Variants in HRH2 observed in about 807,000 individuals in gnomAD.
HRH2 encodes the protein histamine H2 receptor.
HRH2 carries 4 observed loss-of-function variants against 20.1 expected under a neutral mutation model. That is an observed-to-expected ratio of 0.20 (90% CI 0.10 to 0.45). The LOEUF (loss-of-function observed/expected upper bound fraction) is 0.45, where lower values mean the gene tolerates loss of function less well. HRH2 is among the 20% of genes least tolerant of loss of function. The probability of loss-of-function intolerance (pLI) is 0.99; values close to 1 mark genes in which losing one functional copy is unlikely to be tolerated. For synonymous variants in HRH2, 197 were observed against 200.7 expected, an observed-to-expected ratio of 0.98 and a Z score of 0.16; for missense variants, 250 against 461.6, an observed-to-expected ratio of 0.54 and a Z score of 4.20.
chr5:175,674,818 G>GAA (rs1161002007), intron 1 of HRH2, among the ~76,000 whole-genome samples: 33 of 152,364 alleles, frequency 2.2e-4, no homozygotes, highest in African/African-American at 7.2e-4. Context: ...GCCACAGCCA[G>GAA]AAGTCTTTTC....
intron 2 of HRH2, among the ~76,000 whole-genome samples, chr5:175,695,087 CA>C (rs1756527559): frequency 6.6e-6 from 1 of 152,138 alleles, no homozygotes; most frequent in East Asian, 1.9e-4. Context: ...AGGAGCCATG[CA>C]GTCTTCTGGA....
chr5:175,689,567 C>T (rs1232876770), intron 2 of HRH2, among the ~76,000 whole-genome samples: 1 of 152,216 alleles, frequency 6.6e-6, no homozygotes, highest in Non-Finnish European at 1.5e-5. Flanking sequence ...TAGGAAACCA[C>T]ATCTGTAAGA....
chr5:175,679,638 G>A (rs1004664754), intron 1 of HRH2, among the ~76,000 whole-genome samples: 1 of 152,220 alleles, frequency 6.6e-6, no homozygotes, highest in African/African-American at 2.4e-5. Context: ...AGGCATCTAG[G>A]AGGACTCAAG....
chr5:175,686,391 A>G lies in HRH2; in HGVS notation c.1076+2082A>G, dbSNP rs1000142021. The G allele has an allele frequency of 3.9e-5, 6 of 152,244 alleles. No individual in the cohort carries two copies. Among genetic ancestry groups the G allele is most frequent in the Non-Finnish European group, 7.3e-5 (5 of 68,048 alleles). The allele number at this position is 152,244 out of a possible 1,614,324, so 9.4% of individuals were successfully genotyped here. ...CACTTAACAACAATAGCTAACATTC[A>G]TTGAGCATCCACTACTGGCCCGTTT... On this transcript the variant is annotated intron_variant, in intron 2 of 2. Coordinates refer to ENST00000636584, the MANE Select transcript of HRH2 (RefSeq NM_001367711.1). This position sits in a 1 kb window ranked among gnomAD's most constrained non-coding sequence, Gnocchi z 4.7.
intron 1 of HRH2, among the ~76,000 whole-genome samples, 189 bp downstream of exon 1, chr5:175,658,344 T>C (rs1475803462): frequency 6.6e-6 from 1 of 152,086 alleles, no homozygotes; most frequent in Non-Finnish European, 1.5e-5. Flanking sequence ...CTTGGGCAGG[T>C]GCCTCCGCCT....
chr5:175,665,705 T>C (rs1264101371), intron 1 of HRH2, among the ~76,000 whole-genome samples: 1 of 152,036 alleles, frequency 6.6e-6, no homozygotes, highest in African/African-American at 2.4e-5. Flanking sequence ...GAAGGCAGAT[T>C]CCCCCAAACA....
chr5:175,700,250 G>A (rs933147204), intron 2 of HRH2, among the ~76,000 whole-genome samples: 6 of 152,190 alleles, frequency 3.9e-5, no homozygotes, highest in East Asian at 1.9e-4. Context: ...AAGGTAGATG[G>A]TGAAATAAAG....
intron 1 of HRH2, among the ~76,000 whole-genome samples, chr5:175,663,569 C>G (rs895133619): frequency 6.6e-6 from 1 of 152,206 alleles, no homozygotes; most frequent in African/African-American, 2.4e-5. Context: ...CTCCATCAGG[C>G]CCTGCCCGTG....
intron 1 of HRH2, among the ~76,000 whole-genome samples, chr5:175,682,027 G>T (rs950771465): frequency 2.6e-5 from 4 of 152,218 alleles, no homozygotes; most frequent in Non-Finnish European, 5.9e-5. Flanking sequence ...AGATTTTTAT[G>T]ACACGTGAAA....
chr5:175,679,209 T>C (rs781110885), intron 1 of HRH2, among the ~76,000 whole-genome samples: 17 of 152,128 alleles, frequency 1.1e-4, no homozygotes, highest in Non-Finnish European at 1.5e-4. Flanking sequence ...GGGAGACACA[T>C]TCTCATGGTG....
intron 2 of HRH2, among the ~76,000 whole-genome samples, chr5:175,705,464 C>A (rs1408535047): frequency 6.6e-6 from 1 of 152,162 alleles, no homozygotes; most frequent in Non-Finnish European, 1.5e-5. Context: ...AAATTGAAGT[C>A]TATTCATACA....
At chr5:175,658,829 A>G (rs1247356016) in intron 1 of HRH2, among the ~76,000 whole-genome samples, 1 of 152,060 alleles carries the variant, frequency 6.6e-6, no homozygotes, top group Non-Finnish European at 1.5e-5. Flanking sequence ...CTCTGATAGG[A>G]ATCCCAATCT....
intron 2 of HRH2, among the ~76,000 whole-genome samples, chr5:175,706,656 C>T (rs1184216607): frequency 2.6e-5 from 4 of 152,188 alleles, no homozygotes; most frequent in African/African-American, 9.7e-5. Flanking sequence ...CTCTGAAATG[C>T]CAGAGGGATG....
At chr5:175,704,270 A>C (rs1756873717) in intron 2 of HRH2, among the ~76,000 whole-genome samples, 1 of 152,176 alleles carries the variant, frequency 6.6e-6, no homozygotes, top group Non-Finnish European at 1.5e-5. Flanking sequence ...ATTTTAAAAG[A>C]AAAATATAAT....
chr5:175,672,050 CT>C (rs1302829988), intron 1 of HRH2, among the ~76,000 whole-genome samples: 3 of 152,130 alleles, frequency 2.0e-5, no homozygotes, highest in Non-Finnish European at 4.4e-5. Flanking sequence ...CTCATGATTC[CT>C]TCCCTTCACC....
At chr5:175,660,742 C>T (rs1276695369) in intron 1 of HRH2, among the ~76,000 whole-genome samples, 1 of 152,152 alleles carries the variant, frequency 6.6e-6, no homozygotes, top group Non-Finnish European at 1.5e-5. Flanking sequence ...TGTGCCCTGT[C>T]TCAGGCCTAC....
intron 2 of HRH2, among the ~76,000 whole-genome samples, chr5:175,698,437 G>T (rs371880637): frequency 6.6e-6 from 1 of 152,136 alleles, no homozygotes; most frequent in Non-Finnish European, 1.5e-5. Flanking sequence ...GGAGCCTCAC[G>T]TTCATGGTCT....
chr5:175,691,856 T>C (rs1581449121), intron 2 of HRH2, among the ~76,000 whole-genome samples: 2 of 141,044 alleles, frequency 1.4e-5, no homozygotes, highest in Admixed American at 7.2e-5. Flanking sequence ...AGAGCAAGAC[T>C]CCATCTCAAA....
intron 1 of HRH2, among the ~76,000 whole-genome samples, chr5:175,669,496 T>C (rs553873832): frequency 3.4e-4 from 52 of 152,178 alleles, no homozygotes; most frequent in African/African-American, 1.2e-3. Flanking sequence ...CCTGAGTAGC[T>C]GGCATTACAG....
Sources: allele counts gnomAD v4.1 joint callset (sites outside exome capture counted in the v4.1 genomes callset), GRCh38; gene constraint gnomAD v4.1.1; non-coding constraint Gnocchi (gnomAD v3.1); transcripts MANE v1.5; gene names NCBI Gene and HGNC (gene_info 2026-07-23, HGNC 2026-07-21).